EFL1: variants seen among roughly 807,000 people sequenced by gnomAD.
The protein encoded by EFL1 is elongation factor-like GTPase 1.
EFL1 carries 76 observed loss-of-function variants against 126.7 expected under a neutral mutation model. The observed-to-expected ratio is 0.60, with a 90% CI of 0.50 to 0.73. The LOEUF is 0.73. EFL1 is among the 30% of genes least tolerant of loss of function. The probability of loss-of-function intolerance (pLI) is 0.00; values close to 1 mark genes in which losing one functional copy is unlikely to be tolerated. For missense variants in EFL1, 1,128 were observed against 1,343.2 expected, an observed-to-expected ratio of 0.84 and a Z score of 2.50; for synonymous variants, 410 against 448.4, an observed-to-expected ratio of 0.91 and a Z score of 1.08.
At chr15:82,182,659 T>TA (rs1245752231) in intron 15 of EFL1, among the ~76,000 whole-genome samples, 1 of 151,500 alleles carries the variant, frequency 6.6e-6, no homozygotes, top group Admixed American at 6.6e-5. Flanking sequence ...CCATCTCTAC[T>TA]AAAAAATACA....
intron 15 of EFL1, among the ~76,000 whole-genome samples, chr15:82,214,479 CTAG>C (rs1415287390): frequency 1.8e-4 from 27 of 152,228 alleles, no homozygotes; most frequent in African/African-American, 6.5e-4. Context: ...CCAGCTTAGG[CTAG>C]AGCATTTACT....
At chr15:82,227,082 T>C (rs1344629408) in intron 11 of EFL1, among the ~76,000 whole-genome samples, 1 of 152,142 alleles carries the variant, frequency 6.6e-6, no homozygotes, top group Non-Finnish European at 1.5e-5. Flanking sequence ...GTGTAGTGGT[T>C]TGGGGGCAGG....
intron 15 of EFL1, among the ~76,000 whole-genome samples, chr15:82,203,191 T>G (rs2074488800): frequency 6.6e-6 from 1 of 152,186 alleles, no homozygotes. Context: ...ACAGACAATA[T>G]AGGTCCACTA....
intron 3 of EFL1, 102 bp downstream of exon 3, chr15:82,258,986 T>C: frequency 9.2e-7 from 1 of 1,083,066 alleles, no homozygotes; most frequent in Middle Eastern, 2.3e-4. Context: ...AAGAATTATG[T>C]TTTATACCCT....
chr15:82,248,484 A>G (rs942542538), intron 4 of EFL1, among the ~76,000 whole-genome samples: 1 of 152,180 alleles, frequency 6.6e-6, no homozygotes, highest in Non-Finnish European at 1.5e-5. Flanking sequence ...GTATAAAACC[A>G]GAGAGCCACA....
At chr15:82,176,652 G>A (rs891531225) in intron 15 of EFL1, among the ~76,000 whole-genome samples, 6 of 152,108 alleles carry the variant, frequency 3.9e-5, no homozygotes, top group Non-Finnish European at 7.4e-5. Flanking sequence ...TGACTCGAAT[G>A]AAAGCAAAAA....
At chr15:82,256,352 CTTCTT>C (rs1426464234) in intron 3 of EFL1, among the ~76,000 whole-genome samples, 1 of 152,198 alleles carries the variant, frequency 6.6e-6, no homozygotes, top group Non-Finnish European at 1.5e-5. Context: ...CTCACGTATA[CTTCTT>C]TTCAACAGTT....
chr15:82,191,105 C>G (rs1055423501), intron 15 of EFL1, among the ~76,000 whole-genome samples: 4 of 151,552 alleles, frequency 2.6e-5, no homozygotes, highest in African/African-American at 9.7e-5. Flanking sequence ...TTAAAGAAAA[C>G]TCACAGTTTT....
At chr15:82,247,829 C>A (rs2074986965) in intron 4 of EFL1, among the ~76,000 whole-genome samples, 1 of 152,026 alleles carries the variant, frequency 6.6e-6, no homozygotes, top group African/African-American at 2.4e-5. Flanking sequence ...ATAAGAGAGG[C>A]CAGATCATGT....
chr15:82,130,360 C>CAGT lies in EFL1; in HGVS notation c.*10_*12dup, dbSNP rs1242171200. The CAGT allele has an allele frequency of 6.2e-7, 1 of 1,611,144 alleles. No homozygotes were observed. The highest frequency in any genetic ancestry group is 8.5e-7 in the Non-Finnish European group (1 of 1,178,492). On this transcript the variant is annotated 3_prime_UTR_variant, in exon 20 of 20. Transcript: ENST00000268206. ...ATTCACTATAAGGAAAAGAATCCAC[C>CAGT]AGTAGTAGGTAGCTACTTATTTTTG...
chr15:82,164,088 T>C, intron 15 of EFL1, 104 bp from the exon 16 acceptor site: 1 of 1,417,536 alleles, frequency 7.1e-7, no homozygotes, highest in African/African-American at 1.4e-5. Context: ...CAGAGCCAAA[T>C]GCTTCCAAAA....
At chr15:82,201,263 T>C (rs1320417955) in intron 15 of EFL1, among the ~76,000 whole-genome samples, 1 of 152,190 alleles carries the variant, frequency 6.6e-6, no homozygotes, top group African/African-American at 2.4e-5. Flanking sequence ...TGTGAAGATT[T>C]GGGAGGCCCA....
intron 6 of EFL1, among the ~76,000 whole-genome samples, chr15:82,239,368 C>T (rs1012572356): frequency 1.4e-4 from 21 of 152,146 alleles, no homozygotes; most frequent in African/African-American, 4.6e-4. Context: ...AATCTCCTGA[C>T]CTCGTGATCC....
chr15:82,237,544 G>T (rs571328213), intron 7 of EFL1, among the ~76,000 whole-genome samples: 7 of 152,182 alleles, frequency 4.6e-5, no homozygotes, highest in Admixed American at 2.6e-4. Context: ...GATCACTCAC[G>T]CATGCACTGC....
Position 82,247,411 on chromosome 15 carries a change from G to A in EFL1, c.244+5280C>T, listed in dbSNP as rs556843261. ...AGGTAAAAAGAACAATTATGAGTCC[G>A]GGTGCCAAATTCACTAATGAACAGG... On this transcript the variant is annotated intron_variant, in intron 4 of 19. Transcript: ENST00000268206. Among the ~76,000 whole-genome samples, 9 of 152,132 alleles carry A rather than the reference G, an allele frequency of 5.9e-5. No homozygotes were observed. The East Asian group carries it at 1.7e-3, about 29-fold the overall frequency.
chr15:82,226,820 A>G (rs1309449802), intron 11 of EFL1, among the ~76,000 whole-genome samples: 4 of 152,222 alleles, frequency 2.6e-5, no homozygotes, highest in African/African-American at 9.7e-5. Flanking sequence ...GAGGCACCCC[A>G]AAGTTAAAAA....
intron 18 of EFL1, among the ~76,000 whole-genome samples, chr15:82,143,028 G>A (rs2073805725): frequency 1.3e-5 from 2 of 152,052 alleles, no homozygotes; most frequent in African/African-American, 4.8e-5. Context: ...AGATTAACCT[G>A]TACATTCTAC....
intron 4 of EFL1, among the ~76,000 whole-genome samples, chr15:82,249,438 C>A (rs2075001708): frequency 6.6e-6 from 1 of 151,914 alleles, no homozygotes; most frequent in African/African-American, 2.4e-5. Flanking sequence ...AGTTCAGCAA[C>A]AGCAATATTT....
At chr15:82,209,070 G>A (rs930759106) in intron 15 of EFL1, among the ~76,000 whole-genome samples, 1 of 152,012 alleles carries the variant, frequency 6.6e-6, no homozygotes. Flanking sequence ...ACTAAGAAAT[G>A]ACTATTAGGT....
Sources: allele counts gnomAD v4.1 joint callset (sites outside exome capture counted in the v4.1 genomes callset), GRCh38; gene constraint gnomAD v4.1.1; transcripts MANE v1.5; gene names NCBI Gene and HGNC (gene_info 2026-07-23, HGNC 2026-07-21).